Variants in ZMYM5 observed in about 807,000 individuals in gnomAD.
The protein encoded by ZMYM5 is zinc finger MYM-type protein 5.
A neutral mutation model predicts 61.8 loss-of-function variants in ZMYM5; 41 were observed. The ratio of observed to expected loss-of-function variants is 0.66; its 90% confidence interval spans 0.52 to 0.86. ZMYM5 has a LOEUF of 0.86. Among genes scored for constraint, ZMYM5 ranks in the 40% least tolerant of loss-of-function variants. The pLI, the probability that ZMYM5 is intolerant of heterozygous loss-of-function variation, is 0.00. For missense variants in ZMYM5, 706 were observed against 786.7 expected (o/e 0.90, Z 1.23); for synonymous variants, 257 against 276.4 (o/e 0.93, Z 0.70).
chr13:19,843,580 T>C (rs1038881752), intron 4 of ZMYM5: 1 of 152,094 alleles, frequency 6.6e-6, no homozygotes, highest in Admixed American at 6.5e-5. Flanking sequence ...CTCATGCCTA[T>C]AATCCCAGCA....
chr13:19,841,973 C>G, intron 4 of ZMYM5: 1 of 152,370 alleles, frequency 6.6e-6, no homozygotes, highest in Non-Finnish European at 1.5e-5. Flanking sequence ...CCCACCACCA[C>G]GCCCAGCTAA....
intron 6 of ZMYM5, among the ~76,000 whole-genome samples, chr13:19,837,092 C>T (rs1260048254): frequency 1.3e-5 from 2 of 150,928 alleles, no homozygotes; most frequent in African/African-American, 4.9e-5. Context: ...AGTACAGTGG[C>T]GCAATCTCAG....
At position 19,851,857 on chromosome 13, in the gene ZMYM5, A is replaced by G; in HGVS notation, c.324T>C (p.Ser108=). Residue 108 remains serine, a synonymous_variant, in exon 3 of 8, where the codon TCT becomes TCC. Transcript: ENST00000337963. ...VIPPSSRDLA[S]QKGNISETIV... ...TTGTCTCACTTATATTTCCTTTCTG[A>G]GATGCCAAATCTCTTGAAGAAGGAG... 6.2e-7 allele frequency: 1 copy of G among 1,611,868 alleles called. No individual in the cohort carries two copies. Among genetic ancestry groups the G allele is most frequent in the Non-Finnish European group, 8.5e-7 (1 of 1,179,564 alleles).
At chr13:19,832,145 AC>A (rs1275650932) in intron 7 of ZMYM5, among the ~76,000 whole-genome samples, 5 of 151,638 alleles carry the variant, frequency 3.3e-5, no homozygotes, top group Non-Finnish European at 5.9e-5. Flanking sequence ...GGCGTGAGGC[AC>A]CCTGCCTGGC....
intron 2 of ZMYM5, among the ~76,000 whole-genome samples, chr13:19,858,422 A>T (rs1440470731): frequency 6.6e-6 from 1 of 151,458 alleles, no homozygotes; most frequent in Non-Finnish European, 1.5e-5. Flanking sequence ...TTGTCTCTAC[A>T]AAAAATACAA....
intron 7 of ZMYM5, among the ~76,000 whole-genome samples, chr13:19,833,912 G>T (rs1470648772): frequency 9.9e-5 from 15 of 152,168 alleles, no homozygotes; most frequent in Admixed American, 9.8e-4. Context: ...AGCTGAGGTG[G>T]GAGTACTGCT....
chr13:19,843,861 G>A (rs1469494178), intron 4 of ZMYM5, among the ~76,000 whole-genome samples: 1 of 149,656 alleles, frequency 6.7e-6, no homozygotes, highest in Non-Finnish European at 1.5e-5. Context: ...GGGGCCAGGT[G>A]CGGTGGCTCA....
chr13:19,863,047 C>T (rs1953831572), intron 1 of ZMYM5, among the ~76,000 whole-genome samples: 1 of 152,236 alleles, frequency 6.6e-6, no homozygotes, highest in Admixed American at 6.5e-5. Flanking sequence ...ACCTGGGGAC[C>T]TCGGCTCCGG....
chr13:19,826,682 A>G (rs1435566430), intron 7 of ZMYM5, among the ~76,000 whole-genome samples: 1 of 151,202 alleles, frequency 6.6e-6, no homozygotes, highest in African/African-American at 2.4e-5. Flanking sequence ...TGAACACGGG[A>G]GACAGAGGTT....
chr13:19,823,790 T>A lies in ZMYM5; in HGVS notation c.*687A>T, dbSNP rs1485961558. ...CACATAAGTATCTTATTCAAACTGG[T>A]ATTGATCAATTCAAGCCTTTCTTTC... On this transcript the variant is annotated 3_prime_UTR_variant, in exon 8 of 8. Coordinates refer to ENST00000337963, the MANE Select transcript of ZMYM5 (RefSeq NM_001142684.2). The A allele has an allele frequency of 6.6e-6, 1 of 152,182 alleles. No individual in the cohort carries two copies. The highest frequency in any genetic ancestry group is 1.5e-5 in the Non-Finnish European group (1 of 68,030). 9.4% of individuals were successfully genotyped at this position (152,182 alleles called of 1,614,324 possible).
At chr13:19,840,511 C>T (rs1952830243) in intron 4 of ZMYM5, among the ~76,000 whole-genome samples, 1 of 152,108 alleles carries the variant, frequency 6.6e-6, no homozygotes, top group Admixed American at 6.6e-5. Flanking sequence ...GTAGCTGGGA[C>T]AACAGGCACA....
At position 19,835,496 on chromosome 13, in the gene ZMYM5, C is replaced by T. The variant is rs773944056; in HGVS notation, c.1232G>A (p.Cys411Tyr). 1 of 1,367,562 alleles carries T rather than the reference C, an allele frequency of 7.3e-7. No homozygotes were observed. The highest frequency in any genetic ancestry group is 9.8e-7 in the Non-Finnish European group (1 of 1,021,808). The allele number at this position is 1,367,562 out of a possible 1,614,324, so 84.7% of individuals were successfully genotyped here. ...AATTACCTGTTTATATTCGTTAATA[C>T]AACTTTGGCAGCAAAATCTCTTCTG... ...GQQKRFCCQS[C>Y]INEYKQMMET... The change falls in exon 7 of 8, where the codon TGT becomes TAT. Residue 411 changes from cysteine to tyrosine, a missense_variant. Around this residue, in one of 2 missense-constraint regions of ZMYM5, gnomAD observed 226 missense variants for 325.0 expected, o/e 0.70. Coordinates refer to ENST00000337963, the MANE Select transcript of ZMYM5 (RefSeq NM_001142684.2).
At position 19,838,441 on chromosome 13, in the gene ZMYM5, G is replaced by C. The variant is rs1249612568; in HGVS notation, c.872+259C>G. 3.3e-5 allele frequency among the ~76,000 whole-genome samples: 5 copies of C among 152,248 alleles called. No individual in the cohort carries two copies. In the East Asian group the frequency reaches 9.6e-4, roughly 29 times the overall value. ...CATAGAACTAAGGTGTTAAGATGGG[G>C]GAGCAGGGGAGGCAAATGTAGTAGC... On this transcript the variant is annotated intron_variant, in intron 5 of 7. Transcript: ENST00000337963.
rs1040183731 is a variant in ZMYM5, at chr13:19,824,174, G to A, written c.*303C>T. The A allele has an allele frequency of 1.9e-5, 3 of 157,492 alleles. No homozygotes were observed. The highest frequency in any genetic ancestry group is 1.3e-4 in the Admixed American group (2 of 15,394). 9.8% of individuals were successfully genotyped at this position (157,492 alleles called of 1,614,324 possible). A position where few individuals can be genotyped will look rare whatever the true frequency, so the allele number is the denominator to read the frequency against. On this transcript the variant is annotated 3_prime_UTR_variant, in exon 8 of 8. Coordinates refer to ENST00000337963, the MANE Select transcript of ZMYM5 (RefSeq NM_001142684.2). ...TATTAACCAAACCCATCAAATGGCA[G>A]TCATTAAATGCCAATTTTTAAATAG...
intron 2 of ZMYM5, among the ~76,000 whole-genome samples, chr13:19,855,343 A>C (rs923111239): frequency 6.6e-6 from 1 of 151,826 alleles, no homozygotes; most frequent in African/African-American, 2.4e-5. Context: ...GCTTACTGCA[A>C]GCTCCGCCTG....
Position 19,851,923 on chromosome 13 carries a change from T to G in ZMYM5, c.258A>C (p.Ser86=). The G allele has an allele frequency of 6.2e-7, 1 of 1,613,210 alleles. No homozygotes were observed. The highest frequency in any genetic ancestry group is 1.3e-5 in the African/African-American group (1 of 74,952). ...IADQRNFIFA[S]SKNEKPQGNY... is the part of the protein sequence containing the mutation. ...TTCCTTGAGGCTTTTCATTTTTTGA[T>G]GATGCAAATATGAAGTTTCTTTGAT... The change falls in exon 3 of 8, where the codon TCA becomes TCC. Residue 86 remains serine, a synonymous_variant. Transcript: ENST00000337963.
Position 19,859,569 on chromosome 13 carries a change from A to AT in ZMYM5, c.-11+2829dup, listed in dbSNP as rs112847935. Among the ~76,000 whole-genome samples the AT allele has an allele frequency of 4.8e-3, 695 of 144,896 alleles. 4 individuals carry two copies. Among genetic ancestry groups the AT allele is most frequent in the African/African-American group, 0.016 (622 of 39,832 alleles). ...AGGCACCTGCCACCATGCCCAGCTG[A>AT]TTTTTTTTTTTGTATTTTTTGTAAA... On this transcript the variant is annotated intron_variant, in intron 2 of 7. Coordinates refer to ENST00000337963, the MANE Select transcript of ZMYM5 (RefSeq NM_001142684.2).
At chr13:19,851,289 CTTT>C (rs60968061) in intron 4 of ZMYM5, 63 bp downstream of exon 4, 100,780 of 1,361,404 alleles carry the variant, frequency 0.074, 4,279 homozygotes, top group Middle Eastern at 0.17. Flanking sequence ...TAGATATGAG[CTTT>C]ACTAAAAAGA....
In ZMYM5 at chr13:19,851,445, T is replaced by TG. The variant is rs753250626; in HGVS notation, c.495dup (p.Lys166GlnfsTer8). 6.2e-6 allele frequency: 10 copies of TG among 1,613,920 alleles called. No individual in the cohort carries two copies. Among genetic ancestry groups the TG allele is most frequent in the Non-Finnish European group, 7.6e-6 (9 of 1,179,958 alleles). On this transcript the variant is annotated frameshift_variant, in exon 4 of 8. Coordinates refer to ENST00000337963, the MANE Select transcript of ZMYM5 (RefSeq NM_001142684.2). LOFTEE classifies it high-confidence loss of function. ...GGGTTAAAAGGTCTTACTCCAGTCT[T>TG]GGTCTGTGGAGTTAAAGATGGGGTG...
Sources: gnomAD v4.1 joint callset for allele counts (sites outside exome capture counted in the v4.1 genomes callset) on GRCh38, gnomAD v4.1.1 for gene constraint, gnomAD v4.1.1 regional missense constraint, MANE v1.5 for transcripts, NCBI Gene and HGNC (gene_info 2026-07-23, HGNC 2026-07-21) for gene names.